Variants in CACNA2D1 observed in about 807,000 individuals in gnomAD.
CACNA2D1 encodes voltage-dependent calcium channel subunit alpha-2/delta-1.
CACNA2D1 carries 53 observed loss-of-function variants against 171.5 expected under a neutral mutation model. That is an observed-to-expected ratio of 0.31 (90% CI 0.25 to 0.39). The LOEUF (loss-of-function observed/expected upper bound fraction) is 0.39, where lower values mean the gene tolerates loss of function less well. CACNA2D1 is among the 10% of genes least tolerant of loss of function. CACNA2D1 has a pLI of 1.00. For synonymous variants in CACNA2D1, 442 were observed against 443.1 expected, an observed-to-expected ratio of 1.00 and a Z score of 0.03; for missense variants, 903 against 1,299.8, an observed-to-expected ratio of 0.69 and a Z score of 4.69.
chr7:81,959,140 A>C (rs1267879861), intron 38 of CACNA2D1, 135 bp downstream of exon 38: 29 of 694,234 alleles, frequency 4.2e-5, no homozygotes, highest in Non-Finnish European at 7.6e-5. Context: ...TCTACCAGCA[A>C]GTATGTCATG....
At chr7:82,338,314 A>C (rs958739743) in intron 2 of CACNA2D1, among the ~76,000 whole-genome samples, 9 of 152,024 alleles carry the variant, frequency 5.9e-5, no homozygotes, top group African/African-American at 1.4e-4. Context: ...AGGACGTAAA[A>C]ATTTTTTAAA....
chr7:82,189,542 T>C (rs1471949015), intron 3 of CACNA2D1, among the ~76,000 whole-genome samples: 1 of 151,918 alleles, frequency 6.6e-6, no homozygotes, highest in Non-Finnish European at 1.5e-5. Context: ...ATATCTTTCA[T>C]AGATTGAAGA....
chr7:81,963,122 A>G (rs1216109527), intron 34 of CACNA2D1, among the ~76,000 whole-genome samples: 2 of 152,030 alleles, frequency 1.3e-5, no homozygotes, highest in African/African-American at 4.8e-5. Context: ...TTTCAGGGTC[A>G]TGATGAAATT....
chr7:82,149,684 T>G (rs2129105557), intron 4 of CACNA2D1, among the ~76,000 whole-genome samples: 1 of 151,856 alleles, frequency 6.6e-6, no homozygotes, highest in Middle Eastern at 3.4e-3. Flanking sequence ...ATCCCAGCAC[T>G]TTGGGAGGCC....
At chr7:82,032,988 G>A (rs1802895488) in intron 11 of CACNA2D1, 87 bp from the exon 12 acceptor site, 1 of 774,582 alleles carries the variant, frequency 1.3e-6, no homozygotes, top group Non-Finnish European at 2.3e-6. Flanking sequence ...GCATGAGCAG[G>A]TTGCAAGTAA....
At chr7:82,346,061 T>C (rs1395641653) in intron 2 of CACNA2D1, among the ~76,000 whole-genome samples, 1 of 152,136 alleles carries the variant, frequency 6.6e-6, no homozygotes, top group Non-Finnish European at 1.5e-5. Flanking sequence ...CAAAATGTCT[T>C]ACTCTTAAAT....
intron 12 of CACNA2D1, among the ~76,000 whole-genome samples, chr7:82,018,200 G>A (rs1800743574): frequency 1.3e-5 from 2 of 152,224 alleles, no homozygotes; most frequent in African/African-American, 4.8e-5. Context: ...GAAATACTGT[G>A]GGAAGCTAGT....
At chr7:81,968,680 T>C (rs1162200178) in intron 29 of CACNA2D1, among the ~76,000 whole-genome samples, 1 of 151,412 alleles carries the variant, frequency 6.6e-6, no homozygotes, top group African/African-American at 2.4e-5. Context: ...GTTTTGAAAA[T>C]TCCTCAAATC....
chr7:82,440,853 TG>T (rs1482767930), intron 1 of CACNA2D1, among the ~76,000 whole-genome samples: 4 of 151,934 alleles, frequency 2.6e-5, no homozygotes, highest in Non-Finnish European at 5.9e-5. Context: ...TAATTCTAAT[TG>T]AAGTCCAACT....
At chr7:81,984,108 G>A (rs539158012) in intron 22 of CACNA2D1, among the ~76,000 whole-genome samples, 3 of 152,172 alleles carry the variant, frequency 2.0e-5, no homozygotes, top group Admixed American at 6.6e-5. Context: ...TTTGGATTAC[G>A]AAAAGAAAGT....
Position 82,005,489 on chromosome 7 carries a change from G to A in CACNA2D1, c.1524C>T (p.Pro508=), listed in dbSNP as rs2061707633. The change falls in exon 18 of 39, where the codon CCC becomes CCT. Residue 508 remains proline, a synonymous_variant. Transcript: ENST00000356860. ...GATCGATTGCAAAGTAATACCCATT[G>A]GGGCACAGCTGGAAAAGAAAAAAAA... ...KRLTPRFTLC[P]NGYYFAIDPN... The A allele has an allele frequency of 6.3e-7, 1 of 1,587,356 alleles. No individual in the cohort carries two copies. The highest frequency in any genetic ancestry group is 8.6e-7 in the Non-Finnish European group (1 of 1,163,582).
intron 24 of CACNA2D1, among the ~76,000 whole-genome samples, chr7:81,977,074 A>C (rs913719089): frequency 1.3e-5 from 2 of 152,126 alleles, no homozygotes; most frequent in Admixed American, 6.5e-5. Flanking sequence ...CCTGGCCAGA[A>C]CTTACAATAC....
chr7:82,430,996 A>T (rs1829625266), intron 1 of CACNA2D1, among the ~76,000 whole-genome samples: 1 of 152,160 alleles, frequency 6.6e-6, no homozygotes, highest in South Asian at 2.1e-4. Context: ...TGCTGACTGA[A>T]ATGTCACAAC....
chr7:82,021,728 A>C (rs1801234824), intron 12 of CACNA2D1, among the ~76,000 whole-genome samples: 1 of 152,038 alleles, frequency 6.6e-6, no homozygotes, highest in Non-Finnish European at 1.5e-5. Context: ...AAAAAATGGT[A>C]ATCTGAGGGA....
At chr7:81,968,819 G>A in intron 29 of CACNA2D1, 68 bp downstream of exon 29, 1 of 890,644 alleles carries the variant, frequency 1.1e-6, no homozygotes, top group South Asian at 1.4e-5. Context: ...AACATTGCCA[G>A]TTTATAATAT....
chr7:81,964,452 C>T (rs1186794158), intron 32 of CACNA2D1, 93 bp from the exon 33 acceptor site: 11 of 991,616 alleles, frequency 1.1e-5, no homozygotes, highest in Admixed American at 1.1e-4. Flanking sequence ...AGAAATAATA[C>T]AAAGAAACTG....
chr7:82,436,962 A>C (rs1444322264), intron 1 of CACNA2D1, among the ~76,000 whole-genome samples: 2 of 152,204 alleles, frequency 1.3e-5, no homozygotes, highest in Non-Finnish European at 2.9e-5. Flanking sequence ...ATATCAAAAG[A>C]AACAATTCTC....
intron 22 of CACNA2D1, among the ~76,000 whole-genome samples, chr7:81,984,061 T>C (rs1796707411): frequency 6.6e-6 from 1 of 152,082 alleles, no homozygotes; most frequent in African/African-American, 2.4e-5. Context: ...AAATGAGGCT[T>C]AAAAAAATTA....
rs183415791 is a variant in CACNA2D1 at position 82,075,959 on chromosome 7, G to A, written c.658+8810C>T. Among the ~76,000 whole-genome samples, 436 of 152,168 alleles carry A rather than the reference G, an allele frequency of 2.9e-3. 3 individuals carry two copies. The highest frequency in any genetic ancestry group is 9.8e-3 in the African/African-American group (406 of 41,534). On this transcript the variant is annotated intron_variant, in intron 7 of 38. Transcript: ENST00000356860. ...TTAGCAATACTTATTTACATATTTT[G>A]CATATAATGTTATCCCCATTCAAAT...
Sources: gnomAD v4.1 joint callset for allele counts (sites outside exome capture counted in the v4.1 genomes callset) on GRCh38, gnomAD v4.1.1 for gene constraint, MANE v1.5 for transcripts, NCBI Gene and HGNC (gene_info 2026-07-23, HGNC 2026-07-21) for gene names.